The following ALG13 variants were observed in gnomAD, a reference collection of about 807,000 sequenced individuals.
ALG13 encodes UDP-N-acetylglucosamine transferase subunit ALG13.
A neutral mutation model predicts 87.8 loss-of-function variants in ALG13; 11 were observed. The observed-to-expected ratio is 0.13, with a 90% CI of 0.08 to 0.21. ALG13 has a LOEUF of 0.21. Ranked by LOEUF, ALG13 falls within the 10% of genes least tolerant of loss-of-function variation. ALG13 has a pLI of 1.00. For synonymous variants in ALG13, 320 were observed against 306.3 expected (o/e 1.04, Z -0.47); for missense variants, 756 against 866.1 (o/e 0.87, Z 1.60).
intron 4 of ALG13, 91 bp downstream of exon 4, chrX:111,708,484 C>T (rs1939164656): frequency 9.5e-7 from 1 of 1,047,162 alleles, no homozygotes; most frequent in Admixed American, 3.0e-5. Context: ...CAAAAAAATT[C>T]CCCTGCTTTC....
At chrX:111,739,601 A>T (rs1033692260) in intron 23 of ALG13, among the ~76,000 whole-genome samples, 3 of 112,487 alleles carry the variant, frequency 2.7e-5, no homozygotes, top group African/African-American at 9.7e-5. Context: ...ATGCTAGAAG[A>T]CAGTGGAATA....
rs893619457 is a variant in ALG13 at position 111,760,617 on chromosome X, G to A, written c.*618G>A. ...ATTGGTGTCTTTTGCACAGTTAGCA[G>A]TAAATAAAAATTAGCATTTAAAATT... is the stretch of plus-strand genomic sequence containing the variant. On this transcript the variant is annotated 3_prime_UTR_variant, in exon 27 of 27. Coordinates refer to ENST00000394780, the MANE Select transcript of ALG13 (RefSeq NM_001099922.3). 1.8e-5 allele frequency: 2 copies of A among 112,506 alleles called. No individual in the cohort carries two copies. Among genetic ancestry groups the A allele is most frequent in the African/African-American group, 3.2e-5 (1 of 30,938 alleles). The allele number at this position is 112,506 out of a possible 1,213,427, so 9.3% of individuals were successfully genotyped here.
chrX:111,697,652 T>C (rs866600159), intron 3 of ALG13, among the ~76,000 whole-genome samples: 2 of 112,210 alleles, frequency 1.8e-5, no homozygotes, highest in Non-Finnish European at 3.8e-5. Context: ...CAAGACAAAG[T>C]CTAGAATCGA....
Position 111,682,093 on chromosome X carries a change from C to T in ALG13, c.82-39C>T, listed in dbSNP as rs1173537810. Reference sequence around the variant, plus strand: ...TGGTTCCTGCTCTGTTTTACATAGCCAGTTTAAAAGGCCCTCACATTCTGA... The same window carrying T: ...TGGTTCCTGCTCTGTTTTACATAGCTAGTTTAAAAGGCCCTCACATTCTGA... On this transcript the variant is annotated intron_variant, in intron 1 of 26. Coordinates refer to ENST00000394780, the MANE Select transcript of ALG13 (RefSeq NM_001099922.3). 2.7e-6 allele frequency: 3 copies of T among 1,121,632 alleles called. No individual in the cohort carries two copies. The East Asian group carries it at 9.5e-5, about 36-fold the overall frequency. The allele number at this position is 1,121,632 out of a possible 1,213,427, so 92.4% of individuals were successfully genotyped here.
chrX:111,686,683 A>C (rs1461017181), intron 3 of ALG13, among the ~76,000 whole-genome samples: 1 of 112,034 alleles, frequency 8.9e-6, no homozygotes, highest in Non-Finnish European at 1.9e-5. Flanking sequence ...TGCTTTATGC[A>C]AGTCAATTTT....
At position 111,756,896 on chromosome X, in the gene ALG13, A is replaced by AT. The variant is rs1216888576; in HGVS notation, c.2974-691dup. Among the ~76,000 whole-genome samples the AT allele has an allele frequency of 1.8e-4, 20 of 111,959 alleles. 2 individuals carry two copies. Among genetic ancestry groups the AT allele is most frequent in the African/African-American group, 6.2e-4 (19 of 30,836 alleles). Reference sequence around the variant, plus strand: ...TGATAAACCGCTTGCCCCTTCTGTTATGTTAGTTTATTATAGTCACATGTG... The same window carrying AT: ...TGATAAACCGCTTGCCCCTTCTGTTATTGTTAGTTTATTATAGTCACATGTG... On this transcript the variant is annotated intron_variant, in intron 25 of 26. Coordinates refer to ENST00000394780, the MANE Select transcript of ALG13 (RefSeq NM_001099922.3).
At chrX:111,704,840 C>G (rs936667930) in intron 3 of ALG13, among the ~76,000 whole-genome samples, 3 of 111,917 alleles carry the variant, frequency 2.7e-5, no homozygotes, top group African/African-American at 9.7e-5. Context: ...TGTGACATAT[C>G]TGAAAGCTGT....
At chrX:111,700,751 ATTT>A (rs772630509) in intron 3 of ALG13, among the ~76,000 whole-genome samples, 3 of 50,698 alleles carry the variant, frequency 5.9e-5, no homozygotes, top group African/African-American at 6.3e-5. Context: ...TAATTTTTGT[ATTT>A]TTTTTTTTTT....
chrX:111,717,541 CTTTT>C (rs773345817), intron 8 of ALG13, among the ~76,000 whole-genome samples: 1 of 81,264 alleles, frequency 1.2e-5, no homozygotes, highest in Non-Finnish European at 2.4e-5. Context: ...CTAAGTGTTC[CTTTT>C]TTTTTTTTTT....
chrX:111,724,307 A>G (rs1434844589), intron 14 of ALG13, among the ~76,000 whole-genome samples: 1 of 111,869 alleles, frequency 8.9e-6, no homozygotes, highest in Non-Finnish European at 1.9e-5. Flanking sequence ...CCCAGTCTCT[A>G]AAGTTTCTGA....
At chrX:111,751,817 G>A (rs948992468) in intron 24 of ALG13, among the ~76,000 whole-genome samples, 1 of 111,698 alleles carries the variant, frequency 9.0e-6, no homozygotes. Flanking sequence ...TGGAACTCAG[G>A]TTATATTACT....
intron 1 of ALG13, chrX:111,681,544 T>C: frequency 1.0e-6 from 1 of 975,351 alleles, no homozygotes; most frequent in Non-Finnish European, 1.3e-6. Flanking sequence ...CTCCCTCATT[T>C]CTTCAGCTCC....
intron 3 of ALG13, among the ~76,000 whole-genome samples, chrX:111,699,153 C>T (rs907622896): frequency 3.6e-5 from 4 of 111,160 alleles, no homozygotes; most frequent in South Asian, 3.7e-4. Flanking sequence ...ATTTTTATGT[C>T]GTCTTTTGAG....
At position 111,760,406 on chromosome X, in the gene ALG13, C is replaced by G. The variant is rs973184785; in HGVS notation, c.*407C>G. 1.7e-5 allele frequency: 2 copies of G among 121,118 alleles called. No individual in the cohort carries two copies. Among genetic ancestry groups the G allele is most frequent in the African/African-American group, 6.4e-5 (2 of 31,155 alleles). 10.0% of individuals were successfully genotyped at this position (121,118 alleles called of 1,213,427 possible). A position where few individuals can be genotyped will look rare whatever the true frequency, so the allele number is the denominator to read the frequency against. On this transcript the variant is annotated 3_prime_UTR_variant, in exon 27 of 27. Transcript: ENST00000394780. ...TTTTTCTAGAAAGTAAAACCAAGAG[C>G]CTTTGCTTCTGGATAACTCACTTAA...
chrX:111,689,452 C>T, intron 3 of ALG13: 3 of 753,157 alleles, frequency 4.0e-6, no homozygotes, highest in Non-Finnish European at 4.7e-6. Flanking sequence ...AAAGGCTATA[C>T]AGCCCCTAAA....
chrX:111,719,547 T>G (rs997430805), intron 10 of ALG13, among the ~76,000 whole-genome samples: 19 of 112,365 alleles, frequency 1.7e-4, no homozygotes, highest in Admixed American at 4.7e-4. Flanking sequence ...TTTATGTGGA[T>G]TAGGAATCTG....
At chrX:111,713,897 C>T (rs1293484385) in intron 8 of ALG13, among the ~76,000 whole-genome samples, 1 of 112,170 alleles carries the variant, frequency 8.9e-6, no homozygotes, top group Non-Finnish European at 1.9e-5. Context: ...TGTCAGCATA[C>T]AGCTTCTCCA....
intron 18 of ALG13, 57 bp downstream of exon 18, chrX:111,727,827 G>T (rs1942235463): frequency 1.9e-6 from 2 of 1,059,841 alleles, no homozygotes; most frequent in Non-Finnish European, 2.5e-6. Flanking sequence ...TTATTTTTTT[G>T]AAGTAAAGGC....
In ALG13 at chrX:111,728,242, C is replaced by T. The variant is rs763832124; in HGVS notation, c.2305C>T (p.Arg769Trp). 1.6e-5 allele frequency: 19 copies of T among 1,210,816 alleles called. No homozygotes were observed. Among genetic ancestry groups the T allele is most frequent in the Admixed American group, 6.5e-5 (3 of 45,990 alleles). The change falls in exon 19 of 27, where the codon CGG (arginine) becomes TGG (tryptophan). Residue 769 changes from arginine (R) to tryptophan (W), a missense_variant. Transcript: ENST00000394780. Reference protein sequence around the residue: ...PATSGYCVGRRGHSSGKQTLN... With the variant: ...PATSGYCVGRWGHSSGKQTLN... ...TACTTCAGGATACTGTGTTGGAAGG[C>T]GGGGACATAGCTCAGGCAAACAGAC...
Sources: allele counts gnomAD v4.1 joint callset (sites outside exome capture counted in the v4.1 genomes callset), GRCh38; gene constraint gnomAD v4.1.1; transcripts MANE v1.5; gene names NCBI Gene and HGNC (gene_info 2026-07-23, HGNC 2026-07-21).